The following ITGA11 variants were observed in gnomAD, a reference collection of about 807,000 sequenced individuals.
ITGA11 encodes the protein integrin alpha-11.
Under a neutral mutation model 141.9 loss-of-function variants are expected in ITGA11, and 97 were observed. The observed-to-expected ratio is 0.68, with a 90% confidence interval of 0.58 to 0.81. ITGA11 has a LOEUF of 0.81. Ranked by LOEUF, ITGA11 falls within the 30% of genes least tolerant of loss-of-function variation. The pLI is 0.00. For missense variants in ITGA11, 1,387 were observed against 1,559.2 expected (o/e 0.89, Z 1.86); for synonymous variants, 658 against 624.6 (o/e 1.05, Z -0.80).
In ITGA11 at chr15:68,320,303, C is replaced by A. The variant is rs749649229; in HGVS notation, c.2498G>T (p.Ser833Ile). 2 of 1,613,956 alleles carry A rather than the reference C, an allele frequency of 1.2e-6. No individual in the cohort carries two copies. The highest frequency in any genetic ancestry group is 2.2e-5 in the South Asian group (2 of 91,066). The change falls in exon 20 of 30, where the codon AGC becomes ATC. Residue 833 changes from serine to isoleucine, a missense_variant. Coordinates refer to ENST00000315757, the MANE Select transcript of ITGA11 (RefSeq NM_001004439.2). ...CTCCACCGCCACTCGCTGGCGTGTG[C>A]TCTCTATGATGAAGACTGTGGTGTC... Reference protein sequence around the residue: ...SFDTTVFIIESTRQRVAVEAT... With the variant: ...SFDTTVFIIEITRQRVAVEAT...
At chr15:68,398,366 A>G (rs1896375018) in intron 2 of ITGA11, among the ~76,000 whole-genome samples, 1 of 151,660 alleles carries the variant, frequency 6.6e-6, no homozygotes. Flanking sequence ...TCTCTGATAA[A>G]ACAGACTTTA....
chr15:68,386,775 C>T (rs762909515), intron 2 of ITGA11, among the ~76,000 whole-genome samples: 2 of 152,154 alleles, frequency 1.3e-5, no homozygotes, highest in Non-Finnish European at 2.9e-5. Context: ...CTTGCCCAGC[C>T]TTGGGAGTCT....
rs1282075328 is a variant in ITGA11, at chr15:68,397,795, A to G, written c.164+5123T>C. Among the ~76,000 whole-genome samples, 10 of 107,140 alleles carry G rather than the reference A, an allele frequency of 9.3e-5. 1 individual carries two copies. Among genetic ancestry groups the G allele is most frequent in the Admixed American group, 8.9e-4 (9 of 10,110 alleles). The allele number at this position is 107,140 out of a possible 152,430, so 70.3% of individuals were successfully genotyped here. On this transcript the variant is annotated intron_variant, in intron 2 of 29. Transcript: ENST00000315757. ...TTTAAAATATATTTAAAATAATATA[A>G]AATTATTAATAATAATATTATATAT...
At chr15:68,369,314 A>G (rs1895517989) in intron 2 of ITGA11, 30 bp from the exon 3 acceptor site, 1 of 1,303,244 alleles carries the variant, frequency 7.7e-7, no homozygotes, top group Non-Finnish European at 1.0e-6. Context: ...GAGCAAAGAC[A>G]TTGGGGGAGG....
chr15:68,327,206 T>C (rs1894005436), intron 16 of ITGA11, among the ~76,000 whole-genome samples: 1 of 152,006 alleles, frequency 6.6e-6, no homozygotes, highest in South Asian at 2.1e-4. Flanking sequence ...CTTTGCTGGG[T>C]ACTTCCTCTC....
At chr15:68,382,243 T>C (rs1184135659) in intron 2 of ITGA11, among the ~76,000 whole-genome samples, 1 of 152,186 alleles carries the variant, frequency 6.6e-6, no homozygotes, top group Non-Finnish European at 1.5e-5. Flanking sequence ...CCTCCTGGGT[T>C]ATAAAATCAT....
Position 68,335,595 on chromosome 15 carries a change from G to T in ITGA11, c.1425+102C>A. 7.4e-7 allele frequency: 1 copy of T among 1,351,192 alleles called. No individual in the cohort carries two copies. The highest frequency in any genetic ancestry group is 1.0e-6 in the Non-Finnish European group (1 of 974,786). The allele number at this position is 1,351,192 out of a possible 1,614,324, so 83.7% of individuals were successfully genotyped here. ...GGCTGGAGGAACATGACTGCCCTTT[G>T]GGGCACCCAGTGGTCCAGGCATGCC... On this transcript the variant is annotated intron_variant, in intron 12 of 29. Transcript: ENST00000315757. This position sits in a 1 kb window ranked among gnomAD's most constrained non-coding sequence, Gnocchi z 4.9.
At position 68,299,484 on chromosome 15, in the gene ITGA11, G is replaced by C. The variant is rs964807792; in HGVS notation, c.*3575C>G. ...AAGGCTGGAACCACATTAGCCGAAG[G>C]TAAAAGCAAAGACTGGTGTGGTGTT... On this transcript the variant is annotated 3_prime_UTR_variant, in exon 30 of 30. Coordinates refer to ENST00000315757, the MANE Select transcript of ITGA11 (RefSeq NM_001004439.2). The C allele has an allele frequency of 4.6e-5, 7 of 151,934 alleles. No homozygotes were observed. Among genetic ancestry groups the C allele is most frequent in the African/African-American group, 1.7e-4 (7 of 41,308 alleles). 9.4% of individuals were successfully genotyped at this position (151,934 alleles called of 1,614,324 possible). A position where few individuals can be genotyped will look rare whatever the true frequency, so the allele number is the denominator to read the frequency against.
At chr15:68,329,797 G>A (rs1322911591) in intron 15 of ITGA11, among the ~76,000 whole-genome samples, 2 of 152,160 alleles carry the variant, frequency 1.3e-5, no homozygotes, top group African/African-American at 2.4e-5. Flanking sequence ...CCCACATGCA[G>A]CACAGACCTT....
At chr15:68,396,142 C>G (rs1178158284) in intron 2 of ITGA11, among the ~76,000 whole-genome samples, 2 of 151,844 alleles carry the variant, frequency 1.3e-5, no homozygotes, top group African/African-American at 2.4e-5. Flanking sequence ...ACAAATACCC[C>G]AACAGAAACA....
At chr15:68,381,545 G>A (rs1293030100) in intron 2 of ITGA11, among the ~76,000 whole-genome samples, 2 of 135,712 alleles carry the variant, frequency 1.5e-5, no homozygotes, top group East Asian at 4.7e-4. Context: ...TCCTGAGGCA[G>A]AGACAGCATT....
In ITGA11 at chr15:68,311,293, G is replaced by A. The variant is rs61729773; in HGVS notation, c.3084C>T (p.Asp1028=). The A allele has an allele frequency of 2.2e-4, 342 of 1,559,644 alleles. No homozygotes were observed. The highest frequency in any genetic ancestry group is 2.9e-4 in the Non-Finnish European group (330 of 1,149,124). Residue 1028 remains aspartate (D), a synonymous_variant, in exon 25 of 30, where the codon GAC becomes GAT. Transcript: ENST00000315757. The stretch of plus-strand genomic sequence containing the variant: ...CGGCTCCCAAGGCCATCACCACCTC[G>A]TCCGTGAGGAAGTCCCTCAGCTTCA... ...RLLKLRDFLT[D]EANTSCNIWG... is the part of the protein sequence containing the mutation.
chr15:68,361,813 T>C (rs1037717404), intron 4 of ITGA11, 109 bp from the exon 5 acceptor site: 1 of 711,124 alleles, frequency 1.4e-6, no homozygotes, highest in Admixed American at 2.5e-5. Context: ...CAGACTTCTA[T>C]CTGAGGGGTG....
chr15:68,307,493 C>A lies in ITGA11; in HGVS notation c.3286-50G>T. The A allele has an allele frequency of 6.6e-7, 1 of 1,521,192 alleles. No homozygotes were observed. The highest frequency in any genetic ancestry group is 1.2e-5 in the South Asian group (1 of 83,714). The allele number at this position is 1,521,192 out of a possible 1,614,324, so 94.2% of individuals were successfully genotyped here. On this transcript the variant is annotated intron_variant, in intron 27 of 29. Coordinates refer to ENST00000315757, the MANE Select transcript of ITGA11 (RefSeq NM_001004439.2). This position sits in a 1 kb window ranked among gnomAD's most constrained non-coding sequence, Gnocchi z 6.1. Reference sequence around the variant, plus strand: ...AAGCTGGCTTGGAAGCTTTTCTTCCCGTCCCCTCCCCAGGCAGCCCCAGGT... The same window carrying A: ...AAGCTGGCTTGGAAGCTTTTCTTCCAGTCCCCTCCCCAGGCAGCCCCAGGT...
chr15:68,355,019 T>C (rs903084516), intron 7 of ITGA11, among the ~76,000 whole-genome samples: 7 of 152,208 alleles, frequency 4.6e-5, no homozygotes, highest in African/African-American at 9.6e-5. Context: ...GAGTCACTGA[T>C]GGTTCAAACT....
intron 10 of ITGA11, among the ~76,000 whole-genome samples, chr15:68,341,164 T>TG (rs139397963): frequency 0.042 from 6,352 of 152,294 alleles, 461 homozygotes; most frequent in African/African-American, 0.15. Context: ...AAGCTGGTCT[T>TG]GGGAGAGTCA....
At chr15:68,411,376 C>G (rs1595896415) in intron 1 of ITGA11, among the ~76,000 whole-genome samples, 1 of 152,226 alleles carries the variant, frequency 6.6e-6, no homozygotes, top group East Asian at 1.9e-4. Context: ...TCAAGACTCA[C>G]CCATCCTGGG....
chr15:68,314,605 A>AC (rs2140277630), intron 22 of ITGA11, among the ~76,000 whole-genome samples: 1 of 152,132 alleles, frequency 6.6e-6, no homozygotes, highest in South Asian at 2.1e-4. Context: ...TCCTACACAC[A>AC]CCTAATTCTC....
At chr15:68,327,992 G>A in intron 16 of ITGA11, 104 bp downstream of exon 16, 2 of 1,183,474 alleles carry the variant, frequency 1.7e-6, no homozygotes, top group Non-Finnish European at 2.3e-6. Context: ...TGGGCGACCT[G>A]GCACTTAGCA....
Sources: gnomAD v4.1 joint callset for allele counts (sites outside exome capture counted in the v4.1 genomes callset) on GRCh38, gnomAD v4.1.1 for gene constraint, Gnocchi (gnomAD v3.1) non-coding constraint, MANE v1.5 for transcripts, NCBI Gene and HGNC (gene_info 2026-07-23, HGNC 2026-07-21) for gene names.